NBEAL1: variants seen among roughly 807,000 people sequenced by gnomAD.
NBEAL1 encodes the protein neurobeachin-like protein 1.
In NBEAL1, 273 loss-of-function variants were observed where a neutral mutation model predicts 351.3. That is an observed-to-expected ratio of 0.78 (90% CI 0.70 to 0.86). The LOEUF is 0.86. Among genes scored for constraint, NBEAL1 ranks in the 40% least tolerant of loss-of-function variants. The pLI is 0.00. For missense variants in NBEAL1, 2,961 were observed against 3,201.3 expected (o/e 0.92, Z 1.81); for synonymous variants, 1,050 against 1,086.4 (o/e 0.97, Z 0.66).
At chr2:203,094,972 A>C (rs879908134) in intron 10 of NBEAL1, among the ~76,000 whole-genome samples, 2 of 151,982 alleles carry the variant, frequency 1.3e-5, no homozygotes, top group African/African-American at 4.8e-5. Flanking sequence ...AAATACAAAA[A>C]AATTAGCCAG....
chr2:203,160,510 T>C (rs914061033), intron 36 of NBEAL1, among the ~76,000 whole-genome samples: 1 of 152,208 alleles, frequency 6.6e-6, no homozygotes, highest in Admixed American at 6.5e-5. Flanking sequence ...GTTTTTATGA[T>C]AGCTACTTTG....
intron 2 of NBEAL1, among the ~76,000 whole-genome samples, chr2:203,020,016 AT>A (rs1000861066): frequency 6.7e-6 from 1 of 149,018 alleles, no homozygotes; most frequent in African/African-American, 2.5e-5. Context: ...GATAATTTTA[AT>A]TGATAAATAA....
chr2:203,113,559 T>C (rs2062620517), intron 17 of NBEAL1, among the ~76,000 whole-genome samples: 1 of 152,124 alleles, frequency 6.6e-6, no homozygotes, highest in African/African-American at 2.4e-5. Context: ...TCAGTTATCA[T>C]CCATAATACT....
rs955742323 is a variant in NBEAL1, at chr2:203,107,485, A to C, written c.1335A>C (p.Pro445=). The part of the protein sequence containing the change: ...MLEVLKSLGQ[P]PLELLKELMN... ...AAGTATTAAAATCCCTGGGTCAGCC[A>C]CCACTGGAATTACTTAAAGAACTTA... Residue 445 remains proline, a synonymous_variant, in exon 13 of 56, where the codon CCA becomes CCC. Coordinates refer to ENST00000683969, the MANE Select transcript of NBEAL1 (RefSeq NM_001378026.1). 5.9e-5 allele frequency: 91 copies of C among 1,551,432 alleles called. No individual in the cohort carries two copies. In the African/African-American group the frequency reaches 1.1e-3, roughly 18 times the overall value.
chr2:203,059,809 A>T (rs1461910015), intron 6 of NBEAL1, among the ~76,000 whole-genome samples: 1 of 152,208 alleles, frequency 6.6e-6, no homozygotes, highest in Admixed American at 6.5e-5. Context: ...GATTGAGCCC[A>T]ATAGTTCAAG....
intron 36 of NBEAL1, among the ~76,000 whole-genome samples, chr2:203,161,345 A>G (rs1016778572): frequency 2.5e-4 from 36 of 142,740 alleles, no homozygotes; most frequent in Non-Finnish European, 3.5e-4. Flanking sequence ...AAAAAAAAAA[A>G]ATAGGCCAGG....
Position 203,056,493 on chromosome 2 carries a change from A to G in NBEAL1, c.372A>G (p.Thr124=), listed in dbSNP as rs554266761. ...TTAATTATGTCATCACCATGACAAC[A>G]CTCTATATTCAGCAAGTAGGTGTGA... The part of the protein sequence containing the change: ...SYINYVITMT[T]LYIQQLKSKK... Residue 124 remains threonine, a synonymous_variant, in exon 5 of 56, where the codon ACA becomes ACG. Coordinates refer to ENST00000683969, the MANE Select transcript of NBEAL1 (RefSeq NM_001378026.1). 6.5e-7 allele frequency: 1 copy of G among 1,539,638 alleles called. No homozygotes were observed. The highest frequency in any genetic ancestry group is 1.4e-5 in the African/African-American group (1 of 73,322).
intron 10 of NBEAL1, among the ~76,000 whole-genome samples, chr2:203,091,973 T>C (rs2062073672): frequency 6.6e-6 from 1 of 152,240 alleles, no homozygotes; most frequent in Admixed American, 6.5e-5. Flanking sequence ...TATAATATTG[T>C]ATTAAGTGGA....
rs775086146 is a variant in NBEAL1 at position 203,169,834 on chromosome 2, G to A, written c.6085G>A (p.Ala2029Thr). The change falls in exon 39 of 56, where the codon GCA becomes ACA. Residue 2029 changes from alanine to threonine, a missense_variant. Physicochemically the swap from Ala to Thr is moderately conservative, Grantham distance 58. Coordinates refer to ENST00000683969, the MANE Select transcript of NBEAL1 (RefSeq NM_001378026.1). ...CAGATCACCACAGGAGTTATTCAAA[G>A]CATCAGGATTGACACAGGTAGGAAA... ...GSRSPQELFK[A>T]SGLTQKWVNR... The A allele has an allele frequency of 1.2e-6, 2 of 1,601,470 alleles. No homozygotes were observed. Among genetic ancestry groups the A allele is most frequent in the African/African-American group, 2.7e-5 (2 of 74,384 alleles).
chr2:203,170,212 A>T (rs893092787), intron 39 of NBEAL1, among the ~76,000 whole-genome samples: 1 of 152,088 alleles, frequency 6.6e-6, no homozygotes, highest in Non-Finnish European at 1.5e-5. Flanking sequence ...CTCTACTAAA[A>T]AATACAAAAA....
chr2:203,124,778 G>T (rs994066756), intron 19 of NBEAL1, among the ~76,000 whole-genome samples: 12 of 152,102 alleles, frequency 7.9e-5, no homozygotes, highest in Admixed American at 2.6e-4. Flanking sequence ...AATACTTTAT[G>T]AAGTGGGTGT....
chr2:203,213,608 A>G lies in NBEAL1; in HGVS notation c.8025A>G (p.Leu2675=). The change falls in exon 55 of 56, where the codon TTA becomes TTG. Residue 2675 remains leucine (L), a synonymous_variant. Transcript: ENST00000683969. ...TKEYSHILVG[L]EDGKLIVVGV... is the part of the protein sequence containing the mutation. ...AATACAGCCATATTCTTGTAGGTTT[A>G]GAAGATGGCAAATTGATTGTAGTGG... 2 of 1,614,126 alleles carry G rather than the reference A, an allele frequency of 1.2e-6. No individual in the cohort carries two copies. Among genetic ancestry groups the G allele is most frequent in the Middle Eastern group, 1.7e-4 (1 of 6,060 alleles).
intron 53 of NBEAL1, among the ~76,000 whole-genome samples, chr2:203,210,580 T>C (rs1466244600): frequency 1.3e-5 from 2 of 150,684 alleles, no homozygotes; most frequent in Admixed American, 6.6e-5. Flanking sequence ...AGGAGAATGG[T>C]GTGAACCTGG....
intron 38 of NBEAL1, among the ~76,000 whole-genome samples, chr2:203,168,543 A>G (rs1238478145): frequency 3.3e-5 from 5 of 152,124 alleles, no homozygotes; most frequent in South Asian, 2.1e-4. Context: ...AGATCACGCT[A>G]TTGCACTCCA....
chr2:203,118,423 T>C (rs13016769), intron 18 of NBEAL1, among the ~76,000 whole-genome samples: 2,229 of 152,344 alleles, frequency 0.015, 18 homozygotes, highest in Non-Finnish European at 0.02. Context: ...TTGTATAACT[T>C]CTTTTTCCCA....
chr2:203,091,065 T>G (rs2062055743), intron 10 of NBEAL1, among the ~76,000 whole-genome samples: 1 of 152,182 alleles, frequency 6.6e-6, no homozygotes, highest in Non-Finnish European at 1.5e-5. Flanking sequence ...TACATTTACA[T>G]TATTGTGCAG....
Position 203,213,640 on chromosome 2 carries a change from G to T in NBEAL1, c.8057G>T (p.Gly2686Val), listed in dbSNP as rs1457112954. 1 of 1,613,630 alleles carries T rather than the reference G, an allele frequency of 6.2e-7. No individual in the cohort carries two copies. The highest frequency in any genetic ancestry group is 8.5e-7 in the Non-Finnish European group (1 of 1,179,902). ...EDGKLIVVGV[G>V]KPAEMRSGQL... ...GGCAAATTGATTGTAGTGGGTGTTG[G>T]CAAGCCTGCTGAGGTAAAACCTAGC... Residue 2686 changes from glycine to valine, a missense_variant, in exon 55 of 56, where the codon GGC becomes GTC. Physicochemically the swap from Gly to Val is moderately radical, Grantham distance 109. Coordinates refer to ENST00000683969, the MANE Select transcript of NBEAL1 (RefSeq NM_001378026.1).
rs555836457 is a variant in NBEAL1 at position 203,156,120 on chromosome 2, G to A, written c.5588-1579G>A. The stretch of plus-strand genomic sequence containing the variant: ...TTCTACTTCTCTTGTATCTGGTATT[G>A]TAGTTATCAATATCTCCATATATTA... On this transcript the variant is annotated intron_variant, in intron 35 of 55. Transcript: ENST00000683969. Among the ~76,000 whole-genome samples, 4 of 152,196 alleles carry A rather than the reference G, an allele frequency of 2.6e-5. No homozygotes were observed. The South Asian group carries it at 8.3e-4, about 32-fold the overall frequency.
chr2:203,168,175 T>C (rs1475083941), intron 38 of NBEAL1, among the ~76,000 whole-genome samples: 1 of 152,256 alleles, frequency 6.6e-6, no homozygotes, highest in African/African-American at 2.4e-5. Context: ...TGGAAAGCTG[T>C]GTCATGTAAT....
Sources: allele counts gnomAD v4.1 joint callset (sites outside exome capture counted in the v4.1 genomes callset), GRCh38; gene constraint gnomAD v4.1.1; transcripts MANE v1.5; gene names NCBI Gene and HGNC (gene_info 2026-07-23, HGNC 2026-07-21).